Variants in SIK3 observed in about 807,000 individuals in gnomAD.
SIK3 encodes the protein serine/threonine-protein kinase SIK3.
A neutral mutation model predicts 144.2 loss-of-function variants in SIK3; 28 were observed. The ratio of observed to expected loss-of-function variants is 0.19; its 90% CI spans 0.14 to 0.27. The LOEUF (loss-of-function observed/expected upper bound fraction) is 0.27. SIK3 is among the 10% of genes least tolerant of loss of function. The probability of loss-of-function intolerance (pLI) is 1.00; values close to 1 mark genes in which losing one functional copy is unlikely to be tolerated. For synonymous variants in SIK3, 686 were observed against 676.3 expected (o/e 1.01, Z -0.22); for missense variants, 1,319 against 1,776.0 (o/e 0.74, Z 4.62).
intron 3 of SIK3, among the ~76,000 whole-genome samples, chr11:116,935,705 A>G (rs1299546909): frequency 3.3e-5 from 5 of 152,236 alleles, no homozygotes; most frequent in African/African-American, 4.8e-5. Flanking sequence ...ATCAGATCCT[A>G]GTATAACCTG....
intron 1 of SIK3, among the ~76,000 whole-genome samples, chr11:116,976,381 T>C (rs1591463396): frequency 6.6e-6 from 1 of 152,206 alleles, no homozygotes; most frequent in East Asian, 1.9e-4. Context: ...AGTTTTGTGG[T>C]CCACTTGAAG....
In SIK3 at chr11:116,930,360, C is replaced by T. The variant is rs369644798; in HGVS notation, c.455-2980G>A. 6.6e-5 allele frequency among the ~76,000 whole-genome samples: 10 copies of T among 152,280 alleles called. No individual in the cohort carries two copies. The East Asian group carries it at 1.2e-3, about 18-fold the overall frequency. On this transcript the variant is annotated intron_variant, in intron 3 of 24. Transcript: ENST00000445177. Reference sequence around the variant, plus strand: ...GTGGTTTTCACTCCCTGCTGAAAATCGCCTTTCAGCTGCCTGCTGACAAAT... The same window carrying T: ...GTGGTTTTCACTCCCTGCTGAAAATTGCCTTTCAGCTGCCTGCTGACAAAT...
chr11:116,929,087 C>T (rs543467309), intron 3 of SIK3, among the ~76,000 whole-genome samples: 3 of 152,154 alleles, frequency 2.0e-5, no homozygotes, highest in African/African-American at 7.2e-5. Context: ...GAAGTCCAAA[C>T]TAGGGAGAGT....
chr11:116,965,759 AT>A lies in SIK3; in HGVS notation c.274-8696del, dbSNP rs1949513864. On this transcript the variant is annotated intron_variant, in intron 1 of 24. Coordinates refer to ENST00000445177, the MANE Select transcript of SIK3 (RefSeq NM_001366686.3). Reference sequence around the variant, plus strand: ...AATATATATATATATATATATATATATATATATATATATATATATATATAAA... The same window carrying A: ...AATATATATATATATATATATATATAATATATATATATATATATATATAAA... Among the ~76,000 whole-genome samples the A allele has an allele frequency of 1.8e-3, 32 of 17,792 alleles. 1 individual carries two copies. The highest frequency in any genetic ancestry group is 4.3e-3 in the African/African-American group (31 of 7,202). 11.7% of individuals were successfully genotyped at this position (17,792 alleles called of 152,430 possible).
At chr11:117,023,581 AAAACAAACAAACAAAC>A (rs1173784198) in intron 1 of SIK3, among the ~76,000 whole-genome samples, 13 of 106,380 alleles carry the variant, frequency 1.2e-4, no homozygotes, top group South Asian at 2.8e-4. Flanking sequence ...AATATTCTTA[AAAACAAACAAACAAAC>A]AAACAAACAA....
intron 3 of SIK3, among the ~76,000 whole-genome samples, chr11:116,952,917 C>T (rs886434398): frequency 2.0e-5 from 3 of 152,140 alleles, no homozygotes; most frequent in African/African-American, 4.8e-5. Context: ...GTATCCCCTC[C>T]CATACTATAT....
At chr11:116,901,283 G>C (rs771660054) in intron 4 of SIK3, among the ~76,000 whole-genome samples, 4 of 152,178 alleles carry the variant, frequency 2.6e-5, no homozygotes, top group African/African-American at 4.8e-5. Context: ...ACATAGCAGA[G>C]ACTCAAGAAA....
At chr11:117,013,299 T>C (rs1249334104) in intron 1 of SIK3, among the ~76,000 whole-genome samples, 1 of 152,058 alleles carries the variant, frequency 6.6e-6, no homozygotes, top group Admixed American at 6.5e-5. Flanking sequence ...GAGACCAGCC[T>C]GGCCAACATG....
chr11:117,040,735 T>C (rs1380946326), intron 1 of SIK3, among the ~76,000 whole-genome samples: 1 of 152,140 alleles, frequency 6.6e-6, no homozygotes, highest in African/African-American at 2.4e-5. Context: ...AACCTGGGAA[T>C]GTAGATAAGA....
At chr11:117,082,896 G>A (rs536230102) in intron 1 of SIK3, among the ~76,000 whole-genome samples, 105 of 152,136 alleles carry the variant, frequency 6.9e-4, no homozygotes, top group African/African-American at 2.4e-3. Flanking sequence ...CCCGATTCCC[G>A]CACCAGTCTC....
chr11:116,926,054 C>T (rs1281268894), intron 4 of SIK3, among the ~76,000 whole-genome samples: 3 of 152,166 alleles, frequency 2.0e-5, no homozygotes, highest in Admixed American at 6.5e-5. Flanking sequence ...TGCAAAGGTA[C>T]CCTTAGGTAA....
At chr11:116,995,439 T>C (rs1439373908) in intron 1 of SIK3, among the ~76,000 whole-genome samples, 1 of 151,870 alleles carries the variant, frequency 6.6e-6, no homozygotes, top group Non-Finnish European at 1.5e-5. Flanking sequence ...AATTTTTGTA[T>C]TTTTGTAGAG....
At chr11:116,878,480 C>G (rs1019895499) in intron 6 of SIK3, among the ~76,000 whole-genome samples, 1 of 151,756 alleles carries the variant, frequency 6.6e-6, no homozygotes, top group Admixed American at 6.6e-5. Context: ...CCTGGGTTCA[C>G]GTGATTCTCC....
At chr11:116,873,282 C>T (rs914830108) in intron 13 of SIK3, among the ~76,000 whole-genome samples, 199 bp downstream of exon 13, 2 of 152,210 alleles carry the variant, frequency 1.3e-5, no homozygotes, top group African/African-American at 2.4e-5. Context: ...GTAGAAATAA[C>T]TTGGCTAAGT....
At chr11:117,001,584 T>G (rs1950852233) in intron 1 of SIK3, among the ~76,000 whole-genome samples, 1 of 152,004 alleles carries the variant, frequency 6.6e-6, no homozygotes, top group East Asian at 1.9e-4. Context: ...CTTGGGAGGC[T>G]GAGACAAGAG....
chr11:117,035,858 T>G, intron 1 of SIK3: 1 of 1,593,998 alleles, frequency 6.3e-7, no homozygotes, highest in Non-Finnish European at 8.5e-7. Flanking sequence ...TCCTGTAGGC[T>G]GGCAGAGGAC....
At chr11:116,974,632 T>C (rs1275261137) in intron 1 of SIK3, among the ~76,000 whole-genome samples, 1 of 152,168 alleles carries the variant, frequency 6.6e-6, no homozygotes, top group African/African-American at 2.4e-5. Context: ...CTCCTGGCTG[T>C]AAGTGATCTG....
chr11:117,053,338 G>GA (rs754157839), intron 1 of SIK3, among the ~76,000 whole-genome samples: 251 of 121,242 alleles, frequency 2.1e-3, no homozygotes, highest in Middle Eastern at 4.3e-3. Context: ...CTCTGTCTTG[G>GA]AAAAAAAAAA....
chr11:116,967,690 T>C (rs1368356203), intron 1 of SIK3, among the ~76,000 whole-genome samples: 1 of 152,190 alleles, frequency 6.6e-6, no homozygotes, highest in Admixed American at 6.5e-5. Flanking sequence ...GTCTCACTTG[T>C]AATGCATCCT....
Sources: gnomAD v4.1 joint callset for allele counts (sites outside exome capture counted in the v4.1 genomes callset) on GRCh38, gnomAD v4.1.1 for gene constraint, MANE v1.5 for transcripts, NCBI Gene and HGNC (gene_info 2026-07-23, HGNC 2026-07-21) for gene names.